The following CELF4 variants were observed in gnomAD, a reference collection of about 807,000 sequenced individuals.
The protein encoded by CELF4 is CUGBP Elav-like family member 4.
CELF4 carries 18 observed loss-of-function variants against 59.9 expected under a neutral mutation model. The ratio of observed to expected loss-of-function variants is 0.30; its 90% CI spans 0.21 to 0.45. The LOEUF is 0.45. CELF4 is among the 20% of genes least tolerant of loss of function. CELF4 has a pLI of 1.00. For synonymous variants in CELF4, 261 were observed against 267.1 expected, an observed-to-expected ratio of 0.98 and a Z score of 0.22; for missense variants, 456 against 689.0, an observed-to-expected ratio of 0.66 and a Z score of 3.79.
intron 1 of CELF4, among the ~76,000 whole-genome samples, chr18:37,523,385 C>A (rs545947301): frequency 7.9e-5 from 12 of 152,318 alleles, no homozygotes; most frequent in African/African-American, 2.4e-4. Flanking sequence ...CAGGGGTAGA[C>A]ATGCCCAAGG....
intron 1 of CELF4, among the ~76,000 whole-genome samples, chr18:37,547,179 G>GTT (rs1476655716): frequency 3.3e-5 from 5 of 151,602 alleles, no homozygotes; most frequent in Non-Finnish European, 5.9e-5. Context: ...GTGTGTGTGT[G>GTT]TGTGTGTGTG....
chr18:37,525,645 G>C (rs1415180523), intron 1 of CELF4, among the ~76,000 whole-genome samples: 1 of 152,120 alleles, frequency 6.6e-6, no homozygotes, highest in East Asian at 1.9e-4. Flanking sequence ...GACTGTTAGG[G>C]TTCCTTGGTG....
chr18:37,345,319 C>T (rs1295082980), intron 2 of CELF4, among the ~76,000 whole-genome samples: 2 of 152,146 alleles, frequency 1.3e-5, no homozygotes, highest in East Asian at 3.9e-4. Flanking sequence ...AAGACAGCAT[C>T]ATAAGGTGGA....
rs1375985179 is a variant in CELF4 at position 37,520,354 on chromosome 18, T to A, written c.287-34747A>T. Among the ~76,000 whole-genome samples, 3 of 151,902 alleles carry A rather than the reference T, an allele frequency of 2.0e-5. No homozygotes were observed. The East Asian group carries it at 5.8e-4, about 29-fold the overall frequency. Reference sequence around the variant, plus strand: ...GAGAGCGGTCCCAGGAAGGCGTGAGTTAAATAGGGCATGTCTTCTCCTCCC... The same window carrying A: ...GAGAGCGGTCCCAGGAAGGCGTGAGATAAATAGGGCATGTCTTCTCCTCCC... On this transcript the variant is annotated intron_variant, in intron 1 of 12. Transcript: ENST00000420428.
intron 1 of CELF4, among the ~76,000 whole-genome samples, chr18:37,491,481 G>T (rs1054012153): frequency 1.3e-5 from 2 of 152,098 alleles, no homozygotes; most frequent in Non-Finnish European, 2.9e-5. Context: ...AATTCAGTGA[G>T]GGTGGAGACG....
chr18:37,343,453 G>A (rs758428838), intron 2 of CELF4, among the ~76,000 whole-genome samples: 5 of 151,854 alleles, frequency 3.3e-5, no homozygotes, highest in East Asian at 3.9e-4. Flanking sequence ...ATCTTAGAGG[G>A]CGCAGAGCTG....
chr18:37,380,040 G>A (rs2099018332), intron 2 of CELF4, among the ~76,000 whole-genome samples: 2 of 152,140 alleles, frequency 1.3e-5, no homozygotes, highest in East Asian at 1.9e-4. Flanking sequence ...CTGAACCAGA[G>A]CCAGGCCCTT....
intron 1 of CELF4, among the ~76,000 whole-genome samples, chr18:37,546,866 C>T (rs1406060724): frequency 4.6e-5 from 7 of 152,198 alleles, no homozygotes; most frequent in Admixed American, 4.6e-4. Context: ...CCAGCTGGCA[C>T]AGTTTGTCTA....
intron 2 of CELF4, among the ~76,000 whole-genome samples, chr18:37,424,643 A>G (rs968282051): frequency 2.6e-5 from 4 of 152,184 alleles, no homozygotes; most frequent in Non-Finnish European, 5.9e-5. Flanking sequence ...TGCTAGCAGC[A>G]ATGCCTGTGG....
At chr18:37,501,485 G>GC in intron 1 of CELF4, among the ~76,000 whole-genome samples, 1 of 152,356 alleles carries the variant, frequency 6.6e-6, no homozygotes, top group African/African-American at 2.4e-5. Context: ...CTCAGCCCTG[G>GC]CCTGGGAAGA....
intron 2 of CELF4, among the ~76,000 whole-genome samples, chr18:37,338,422 T>G (rs868453127): frequency 1.4e-5 from 2 of 142,918 alleles, no homozygotes; most frequent in Admixed American, 6.7e-5. Context: ...GTCACCATTA[T>G]CAGCACCTCT....
At chr18:37,555,497 A>G (rs1022345588) in intron 1 of CELF4, among the ~76,000 whole-genome samples, 5 of 152,174 alleles carry the variant, frequency 3.3e-5, no homozygotes, top group African/African-American at 9.7e-5. Context: ...AGCTCTCCCA[A>G]GATCTTCGCC....
At chr18:37,527,439 G>C (rs1408470687) in intron 1 of CELF4, among the ~76,000 whole-genome samples, 2 of 152,090 alleles carry the variant, frequency 1.3e-5, no homozygotes, top group Non-Finnish European at 2.9e-5. Flanking sequence ...CATTTTCCAA[G>C]AAGTTGGGGT....
At chr18:37,434,233 T>G (rs1339688348) in intron 2 of CELF4, among the ~76,000 whole-genome samples, 1 of 152,220 alleles carries the variant, frequency 6.6e-6, no homozygotes, top group Non-Finnish European at 1.5e-5. Flanking sequence ...CACGATTAGC[T>G]GCCCAATGAG....
At position 37,246,462 on chromosome 18, in the gene CELF4, G is replaced by T. The variant is rs2062145451; in HGVS notation, c.*45-1265C>A. ...CCCCACATTTAATTTAGCAGAAGTG[G>T]TTACAATACAAACCTTACAATTGTT... is the stretch of plus-strand genomic sequence containing the variant. On this transcript the variant is annotated intron_variant, in intron 12 of 12. Transcript: ENST00000420428. The surrounding 1 kb of genome is among the most constrained non-coding windows in gnomAD (Gnocchi z 5.3). Among the ~76,000 whole-genome samples, 1 of 152,224 alleles carries T rather than the reference G, an allele frequency of 6.6e-6. No homozygotes were observed. Among genetic ancestry groups the T allele is most frequent in the South Asian group, 2.1e-4 (1 of 4,814 alleles).
chr18:37,385,734 T>C (rs1404313064), intron 2 of CELF4, among the ~76,000 whole-genome samples: 1 of 152,226 alleles, frequency 6.6e-6, no homozygotes, highest in African/African-American at 2.4e-5. Flanking sequence ...GTTTTGTTTC[T>C]CTAGTGGTTT....
intron 1 of CELF4, among the ~76,000 whole-genome samples, chr18:37,489,173 A>G (rs1458800995): frequency 3.9e-5 from 6 of 152,246 alleles, no homozygotes; most frequent in Non-Finnish European, 2.9e-5. Context: ...TCTCCAGCCC[A>G]TCCGATGCAG....
rs183229164 is a variant in CELF4, at chr18:37,447,692, C to T, written c.369+37833G>A. ...CCCTGGGTTGAGGGGTGGGTGTCTGCACCCTCTACCCATCTGGGGCATGAC... is the reference window on the plus strand; with the variant it reads ...CCCTGGGTTGAGGGGTGGGTGTCTGTACCCTCTACCCATCTGGGGCATGAC... On this transcript the variant is annotated intron_variant, in intron 2 of 12. Transcript: ENST00000420428. Among the ~76,000 whole-genome samples, 41 of 152,342 alleles carry T rather than the reference C, an allele frequency of 2.7e-4. 1 individual carries two copies. Among genetic ancestry groups the T allele is most frequent in the Admixed American group, 2.5e-3 (38 of 15,304 alleles).
At chr18:37,553,624 C>T (rs1415291841) in intron 1 of CELF4, among the ~76,000 whole-genome samples, 2 of 152,150 alleles carry the variant, frequency 1.3e-5, no homozygotes, top group African/African-American at 4.8e-5. Context: ...AATGACAATA[C>T]TTTTTGGGTT....
Sources: allele counts gnomAD v4.1 joint callset (sites outside exome capture counted in the v4.1 genomes callset), GRCh38; gene constraint gnomAD v4.1.1; non-coding constraint Gnocchi (gnomAD v3.1); transcripts MANE v1.5; gene names NCBI Gene and HGNC (gene_info 2026-07-23, HGNC 2026-07-21).